The following CCL24 variants were observed in gnomAD, a reference collection of about 807,000 sequenced individuals.
CCL24 encodes C-C motif chemokine 24.
A neutral mutation model predicts 8.6 loss-of-function variants in CCL24; 6 were observed. The observed-to-expected ratio is 0.70, with a 90% CI of 0.38 to 1.38. The LOEUF is 1.38. Among genes scored for constraint, CCL24 ranks in the 40% most tolerant of loss-of-function variants. CCL24 has a pLI of 0.02. For missense variants in CCL24, 126 were observed against 147.1 expected, an observed-to-expected ratio of 0.86 and a Z score of 0.74; for synonymous variants, 59 against 52.7, an observed-to-expected ratio of 1.12 and a Z score of -0.52.
chr7:75,818,847 G>A (rs1803951602), intron 1 of CCL24, among the ~76,000 whole-genome samples: 1 of 151,850 alleles, frequency 6.6e-6, no homozygotes, highest in Non-Finnish European at 1.5e-5. Flanking sequence ...CCAAGTGTAG[G>A]ACCACCAGCC....
chr7:75,813,893 G>A (rs184572406), upstream of CCL24: 2 of 528,548 alleles, frequency 3.8e-6, no homozygotes, highest in East Asian at 3.4e-5. Context: ...TGAAAATCCT[G>A]AGGCCTGTGG....
intron 1 of CCL24, among the ~76,000 whole-genome samples, chr7:75,820,041 T>G (rs999259328): frequency 1.5e-5 from 2 of 136,970 alleles, no homozygotes; most frequent in African/African-American, 5.3e-5. Context: ...CTTCTTCTTC[T>G]TCTTCTTCTT....
rs781801077 is a variant in CCL24, at chr7:75,813,295, A to G, written c.191+11T>C. The G allele has an allele frequency of 3.9e-6, 6 of 1,544,798 alleles. No individual in the cohort carries two copies. The highest frequency in any genetic ancestry group is 1.7e-4 in the Middle Eastern group (1 of 5,788). On this transcript the variant is annotated intron_variant, in intron 2 of 2. Coordinates refer to ENST00000222902, the MANE Select transcript of CCL24 (RefSeq NM_002991.3). Reference sequence around the variant, plus strand: ...CCCCTCTCCTGCCACGTGCCCATGAAGGATACCTACATCACTCCTGCCTTG... The same window carrying G: ...CCCCTCTCCTGCCACGTGCCCATGAGGGATACCTACATCACTCCTGCCTTG...
chr7:75,818,729 C>T (rs1803948968), upstream of CCL24, among the ~76,000 whole-genome samples: 1 of 151,962 alleles, frequency 6.6e-6, no homozygotes, highest in Middle Eastern at 3.4e-3. Flanking sequence ...TGACCCACAG[C>T]AGTGTGAGGC....
rs1178926430 is a variant in CCL24, at chr7:75,821,528, G to A, written c.-60+1794C>T. On this transcript the variant is annotated intron_variant, in intron 1 of 3. Transcript: ENST00000416943. ...TTTCAAACTTGAGTGCATGTGTTGG[G>A]GGGACCATTCATGGATAAAAACAGT... 3.3e-5 allele frequency among the ~76,000 whole-genome samples: 5 copies of A among 152,168 alleles called. 1 individual carries two copies. The highest frequency in any genetic ancestry group is 4.8e-5 in the African/African-American group (2 of 41,452).
At position 75,813,644 on chromosome 7, in the gene CCL24, C is replaced by T. The variant is rs188963157; in HGVS notation, c.72G>A (p.Thr24=). The T allele has an allele frequency of 3.7e-5, 60 of 1,612,906 alleles. No homozygotes were observed. In the East Asian group the frequency reaches 6.2e-4, roughly 17 times the overall value. The part of the protein sequence containing the change: ...LGVCAHHIIP[T]GSVVIPSPCC... ...ACTGCATCCTGTCGGAGGTCTTACC[C>T]GTAGGGATGATGTGGTGGGCACAGA... The change falls in exon 1 of 3, where the codon ACG becomes ACA. Residue 24 remains threonine (T), a splice_region_variant and synonymous_variant. Transcript: ENST00000222902.
At chr7:75,814,735 G>A (rs1339315133), upstream of CCL24, among the ~76,000 whole-genome samples, 3 of 151,898 alleles carry the variant, frequency 2.0e-5, no homozygotes, top group Admixed American at 6.6e-5. Context: ...AGATTCTAGG[G>A]AAGTGGGAAA....
rs1168161416 is a variant in CCL24, at chr7:75,811,633, C to T, written c.*163G>A. ...ATTGCTCAGCCCCCGGGAACCACAT[C>T]ACCTGCTCCCTCGGGTTTTTCATAG... On this transcript the variant is annotated 3_prime_UTR_variant, in exon 3 of 3. Coordinates refer to ENST00000222902, the MANE Select transcript of CCL24 (RefSeq NM_002991.3). 1 of 617,186 alleles carries T rather than the reference C, an allele frequency of 1.6e-6. No individual in the cohort carries two copies. The highest frequency in any genetic ancestry group is 2.7e-6 in the Non-Finnish European group (1 of 367,924). 38.2% of individuals were successfully genotyped at this position (617,186 alleles called of 1,614,324 possible).
At chr7:75,819,160 C>G (rs1379475585) in intron 1 of CCL24, among the ~76,000 whole-genome samples, 1 of 143,202 alleles carries the variant, frequency 7.0e-6, no homozygotes, top group African/African-American at 2.6e-5. Context: ...CCCAGCTGCT[C>G]GGGAGGCTGA....
At chr7:75,820,984 T>C (rs1206541377) in intron 1 of CCL24, among the ~76,000 whole-genome samples, 1 of 152,094 alleles carries the variant, frequency 6.6e-6, no homozygotes, top group African/African-American at 2.4e-5. Context: ...CCCTGCTATA[T>C]ACCAGGTGCC....
intron 1 of CCL24, among the ~76,000 whole-genome samples, chr7:75,818,965 C>T (rs1554534549): frequency 6.6e-6 from 1 of 150,508 alleles, no homozygotes; most frequent in East Asian, 2.0e-4. Context: ...TATAGTAATA[C>T]AAGATTTCCC....
At chr7:75,812,061 AG>A in intron 2 of CCL24, 97 bp from the exon 3 acceptor site, 1 of 994,402 alleles carries the variant, frequency 1.0e-6, no homozygotes. Flanking sequence ...AGAGACAGTA[AG>A]GCTTCCTTGC....
upstream of CCL24, among the ~76,000 whole-genome samples, chr7:75,816,456 G>A (rs3757596): frequency 0.096 from 14,582 of 152,194 alleles, 1,001 homozygotes; most frequent in East Asian, 0.16. Context: ...TCAGCCAACA[G>A]TAATTATCCT....
chr7:75,818,604 G>A (rs566627613), upstream of CCL24, among the ~76,000 whole-genome samples: 12 of 147,142 alleles, frequency 8.2e-5, no homozygotes, highest in Non-Finnish European at 1.4e-4. Context: ...GGCAAGACCC[G>A]GACTCTTTAA....
Position 75,812,093 on chromosome 7 carries a change from T to C in CCL24, c.192-129A>G, listed in dbSNP as rs1803778194. 7.0e-6 allele frequency: 5 copies of C among 711,220 alleles called. No individual in the cohort carries two copies. In the South Asian group the frequency reaches 9.1e-5, roughly 13 times the overall value. The allele number at this position is 711,220 out of a possible 1,614,324, so 44.1% of individuals were successfully genotyped here. A position where few individuals can be genotyped will look rare whatever the true frequency, so the allele number is the denominator to read the frequency against. ...CTTGCAAGTTGCTGAGATGATGTCA[T>C]CTTCATTTTTTGACACAGGGTCTCA... On this transcript the variant is annotated intron_variant, in intron 2 of 2. Coordinates refer to ENST00000222902, the MANE Select transcript of CCL24 (RefSeq NM_002991.3).
In CCL24 at chr7:75,811,949, C is replaced by T. The variant is rs1554533506; in HGVS notation, c.207G>A (p.Lys69=). The T allele has an allele frequency of 6.2e-7, 1 of 1,611,016 alleles. No individual in the cohort carries two copies. The highest frequency in any genetic ancestry group is 2.2e-5 in the East Asian group (1 of 44,678). The change falls in exon 3 of 3, where the codon AAG becomes AAA. Residue 69 remains lysine (K), a synonymous_variant. Coordinates refer to ENST00000222902, the MANE Select transcript of CCL24 (RefSeq NM_002991.3). ...TGGGGTCGCCACAGAACTGCTGGCC[C>T]TTCTTGGTGGTGAAGCTGTGGAAGA... is the stretch of plus-strand genomic sequence containing the variant. ...LKAGVIFTTK[K]GQQFCGDPKQ...
chr7:75,815,613 C>A (rs1166882512), upstream of CCL24, among the ~76,000 whole-genome samples: 1 of 152,140 alleles, frequency 6.6e-6, no homozygotes. Flanking sequence ...TACGCGGAAG[C>A]CTGTAAGTCA....
chr7:75,820,083 T>TTCC (rs1804003171), intron 1 of CCL24, among the ~76,000 whole-genome samples: 2 of 134,302 alleles, frequency 1.5e-5, no homozygotes, highest in African/African-American at 2.7e-5. Flanking sequence ...CTTCTTCTTC[T>TTCC]TCTTCCTCTT....
At chr7:75,820,080 TTCTTCTTCC>T (rs1284967476) in intron 1 of CCL24, among the ~76,000 whole-genome samples, 12 of 137,490 alleles carry the variant, frequency 8.7e-5, no homozygotes, top group East Asian at 2.4e-4. Context: ...CTTCTTCTTC[TTCTTCTTCC>T]TCTTCTTCTT....
Sources: allele counts gnomAD v4.1 joint callset (sites outside exome capture counted in the v4.1 genomes callset), GRCh38; gene constraint gnomAD v4.1.1; transcripts MANE v1.5; gene names NCBI Gene and HGNC (gene_info 2026-07-23, HGNC 2026-07-21).